The following MGAT4A variants were observed in gnomAD, a reference collection of about 807,000 sequenced individuals.
MGAT4A encodes alpha-1,3-mannosyl-glycoprotein 4-beta-N-acetylglucosaminyltransferase A.
A neutral mutation model predicts 74.1 loss-of-function variants in MGAT4A; 33 were observed. The ratio of observed to expected loss-of-function variants is 0.45; its 90% CI spans 0.34 to 0.60. MGAT4A has a LOEUF of 0.60. MGAT4A is among the 20% of genes least tolerant of loss of function. MGAT4A has a pLI of 0.02. For synonymous variants in MGAT4A, 198 were observed against 210.4 expected (o/e 0.94, Z 0.51); for missense variants, 479 against 628.3 (o/e 0.76, Z 2.54).
At chr2:98,712,436 C>T (rs1434313329) in intron 2 of MGAT4A, among the ~76,000 whole-genome samples, 1 of 152,148 alleles carries the variant, frequency 6.6e-6, no homozygotes, top group African/African-American at 2.4e-5. Flanking sequence ...GCTGACCCGA[C>T]AACTGAAATA....
chr2:98,619,457 C>T lies in MGAT4A; in HGVS notation c.*6109G>A, dbSNP rs1575234606. ...TAAGGGATGCTTCCAGAAACATCCCCTAATGCAGACAACCTTTCCAAAGTG... is the reference window on the plus strand; with the variant it reads ...TAAGGGATGCTTCCAGAAACATCCCTTAATGCAGACAACCTTTCCAAAGTG... On this transcript the variant is annotated 3_prime_UTR_variant, in exon 16 of 16. Transcript: ENST00000393487. 6.6e-6 allele frequency: 1 copy of T among 152,170 alleles called. No homozygotes were observed. Among genetic ancestry groups the T allele is most frequent in the South Asian group, 2.1e-4 (1 of 4,830 alleles). The allele number at this position is 152,170 out of a possible 1,614,324, so 9.4% of individuals were successfully genotyped here.
At chr2:98,687,525 C>G (rs1021341468) in intron 2 of MGAT4A, among the ~76,000 whole-genome samples, 1 of 152,100 alleles carries the variant, frequency 6.6e-6, no homozygotes, top group Admixed American at 6.5e-5. Context: ...TTCTCACTTT[C>G]CTTTTGCTCA....
At position 98,625,367 on chromosome 2, in the gene MGAT4A, G is replaced by C; in HGVS notation, c.*199C>G. The C allele has an allele frequency of 2.2e-6, 3 of 1,379,622 alleles. No homozygotes were observed. Among genetic ancestry groups the C allele is most frequent in the Non-Finnish European group, 2.8e-6 (3 of 1,064,996 alleles). The allele number at this position is 1,379,622 out of a possible 1,614,324, so 85.5% of individuals were successfully genotyped here. A position where few individuals can be genotyped will look rare whatever the true frequency, so the allele number is the denominator to read the frequency against. On this transcript the variant is annotated 3_prime_UTR_variant, in exon 16 of 16. Coordinates refer to ENST00000393487, the MANE Select transcript of MGAT4A (RefSeq NM_012214.3). ...CATAATTGAAAAATGTTTGAGTCAAGTTAAAATCTGAGGACAGCTTAGTTT... is the reference window on the plus strand; with the variant it reads ...CATAATTGAAAAATGTTTGAGTCAACTTAAAATCTGAGGACAGCTTAGTTT...
At chr2:98,690,709 G>A (rs1176040556) in intron 2 of MGAT4A, among the ~76,000 whole-genome samples, 1 of 152,080 alleles carries the variant, frequency 6.6e-6, no homozygotes, top group Non-Finnish European at 1.5e-5. Context: ...AAATTACCTT[G>A]TAAGGATTTT....
intron 2 of MGAT4A, among the ~76,000 whole-genome samples, chr2:98,688,530 T>C (rs1022684751): frequency 6.6e-6 from 1 of 152,176 alleles, no homozygotes; most frequent in Non-Finnish European, 1.5e-5. Context: ...TAGTGTATAG[T>C]ATAATATATG....
Position 98,636,605 on chromosome 2 carries a change from C to G in MGAT4A, c.1323-10G>C. Reference sequence around the variant, plus strand: ...GCTATGGAACAAATAACTGAAAATACAAACATCAAAATAAAAACACAAGTC... The same window carrying G: ...GCTATGGAACAAATAACTGAAAATAGAAACATCAAAATAAAAACACAAGTC... On this transcript the variant is annotated splice_polypyrimidine_tract_variant and intron_variant, in intron 12 of 15. Transcript: ENST00000393487. 6.2e-7 allele frequency: 1 copy of G among 1,606,724 alleles called. No homozygotes were observed.
chr2:98,722,112 T>C (rs996145583), intron 2 of MGAT4A, among the ~76,000 whole-genome samples: 3 of 152,138 alleles, frequency 2.0e-5, no homozygotes, highest in Admixed American at 6.5e-5. Flanking sequence ...TTAAACATAA[T>C]AGAGTTATGA....
At chr2:98,727,414 A>C (rs949177960) in intron 1 of MGAT4A, among the ~76,000 whole-genome samples, 1 of 152,222 alleles carries the variant, frequency 6.6e-6, no homozygotes, top group Admixed American at 6.5e-5. Flanking sequence ...ATAGGTTCTC[A>C]AAAAATGTCA....
chr2:98,725,140 T>C (rs1174637945), intron 2 of MGAT4A, among the ~76,000 whole-genome samples: 1 of 152,166 alleles, frequency 6.6e-6, no homozygotes, highest in Admixed American at 6.6e-5. Flanking sequence ...AAAACATGAA[T>C]TCTAAAATGT....
chr2:98,621,924 C>T lies in MGAT4A; in HGVS notation c.*3642G>A. On this transcript the variant is annotated 3_prime_UTR_variant, in exon 16 of 16. Transcript: ENST00000393487. ...TTGTTCAAGGGTATTCAACCATCTC[C>T]AATTGTTGAACAAATACACACATAC... is the stretch of plus-strand genomic sequence containing the variant. 1.0e-6 allele frequency: 1 copy of T among 996,652 alleles called. No individual in the cohort carries two copies. Among genetic ancestry groups the T allele is most frequent in the Non-Finnish European group, 1.2e-6 (1 of 837,034 alleles). The allele number at this position is 996,652 out of a possible 1,614,324, so 61.7% of individuals were successfully genotyped here.
At chr2:98,691,087 G>T (rs1308245693) in intron 2 of MGAT4A, among the ~76,000 whole-genome samples, 1 of 152,136 alleles carries the variant, frequency 6.6e-6, no homozygotes. Flanking sequence ...AGAACATAGA[G>T]AAGCAACATA....
intron 3 of MGAT4A, 43 bp downstream of exon 3, chr2:98,678,261 T>G (rs1702008677): frequency 5.1e-6 from 2 of 389,766 alleles, no homozygotes; most frequent in Admixed American, 1.2e-4. Flanking sequence ...TATATATATA[T>G]ATATATAAAA....
In MGAT4A at chr2:98,646,938, A is replaced by G. The variant is rs140316202; in HGVS notation, c.775-1396T>C. On this transcript the variant is annotated intron_variant, in intron 8 of 15. Coordinates refer to ENST00000393487, the MANE Select transcript of MGAT4A (RefSeq NM_012214.3). ...TAATGATACTTTAAAAACAGCCACA[A>G]CTGTAGATTGCTAAGGCACCAACTT... Among the ~76,000 whole-genome samples the G allele has an allele frequency of 5.6e-3, 850 of 152,350 alleles. 11 individuals are homozygous for G. Among genetic ancestry groups the G allele is most frequent in the African/African-American group, 0.019 (796 of 41,584 alleles).
chr2:98,655,613 A>C, intron 7 of MGAT4A, 93 bp from the exon 8 acceptor site: 1 of 770,210 alleles, frequency 1.3e-6, no homozygotes, highest in Non-Finnish European at 2.2e-6. Context: ...TCTACATAAC[A>C]TGTCATCTAT....
In MGAT4A at chr2:98,731,115, G is replaced by A; in HGVS notation, c.-303C>T. 7.4e-6 allele frequency: 1 copy of A among 135,096 alleles called. No individual in the cohort carries two copies. The highest frequency in any genetic ancestry group is 2.1e-4 in the South Asian group (1 of 4,848). The allele number at this position is 135,096 out of a possible 1,614,324, so 8.4% of individuals were successfully genotyped here. ...TGCTGTAGCCGCCGCCGCCGCTGCCGCCGCCGCTGCGGGCCGCCCCGCCCG... is the reference window on the plus strand; with the variant it reads ...TGCTGTAGCCGCCGCCGCCGCTGCCACCGCCGCTGCGGGCCGCCCCGCCCG... On this transcript the variant is annotated 5_prime_UTR_variant, in exon 1 of 16. Coordinates refer to ENST00000393487, the MANE Select transcript of MGAT4A (RefSeq NM_012214.3). This position sits in a 1 kb window ranked among gnomAD's most constrained non-coding sequence, Gnocchi z 4.8.
intron 2 of MGAT4A, among the ~76,000 whole-genome samples, chr2:98,710,397 C>CA: frequency 6.6e-6 from 1 of 152,064 alleles, no homozygotes. Flanking sequence ...AAAGTTATTC[C>CA]AAAAAAGTTG....
intron 2 of MGAT4A, among the ~76,000 whole-genome samples, chr2:98,699,917 A>G (rs1373729830): frequency 6.6e-6 from 1 of 152,194 alleles, no homozygotes; most frequent in Non-Finnish European, 1.5e-5. Context: ...AGGGTAGAGC[A>G]CATGGCCCAC....
chr2:98,688,075 AT>A (rs766779145), intron 2 of MGAT4A, among the ~76,000 whole-genome samples: 6 of 152,126 alleles, frequency 3.9e-5, no homozygotes, highest in Non-Finnish European at 7.4e-5. Flanking sequence ...TTATCTTCCC[AT>A]CCCATCTGAC....
intron 4 of MGAT4A, among the ~76,000 whole-genome samples, chr2:98,668,239 TA>T (rs1191950838): frequency 6.6e-6 from 1 of 152,166 alleles, no homozygotes; most frequent in African/African-American, 2.4e-5. Context: ...CCCAGAGATT[TA>T]GGAGGGAAAA....
Sources: allele counts gnomAD v4.1 joint callset (sites outside exome capture counted in the v4.1 genomes callset), GRCh38; gene constraint gnomAD v4.1.1; non-coding constraint Gnocchi (gnomAD v3.1); transcripts MANE v1.5; gene names NCBI Gene and HGNC (gene_info 2026-07-23, HGNC 2026-07-21).